ABCA7: variants seen among roughly 807,000 people sequenced by gnomAD.
The protein encoded by ABCA7 is phospholipid-transporting ATPase ABCA7.
ABCA7 carries 261 observed loss-of-function variants against 227.6 expected under a neutral mutation model. The observed-to-expected ratio is 1.15, with a 90% CI of 1.04 to 1.27. ABCA7 has a LOEUF of 1.27. Among genes scored for constraint, ABCA7 ranks in the 50% most tolerant of loss-of-function variants. ABCA7 has a pLI of 0.00. For synonymous variants in ABCA7, 1,488 were observed against 1,279.7 expected, an observed-to-expected ratio of 1.16 and a Z score of -3.47; for missense variants, 3,331 against 2,924.5, an observed-to-expected ratio of 1.14 and a Z score of -3.21.
rs771645047 is a variant in ABCA7, at chr19:1,042,049, T to C, written c.303-15T>C. ...CCGGCCGGAACCCCGCCTCCTGCCC[T>C]CTCTCTGTCCCCAGGGTCTCCCGGC... On this transcript the variant is annotated splice_polypyrimidine_tract_variant and intron_variant, in intron 4 of 46. Transcript: ENST00000263094. 6.3e-7 allele frequency: 1 copy of C among 1,582,562 alleles called. No homozygotes were observed. Among genetic ancestry groups the C allele is most frequent in the South Asian group, 1.1e-5 (1 of 89,820 alleles).
chr19:1,061,730 C>G (rs1051822268), intron 40 of ABCA7, 52 bp from the exon 41 acceptor site: 9 of 1,522,028 alleles, frequency 5.9e-6, no homozygotes, highest in Admixed American at 4.1e-5. Flanking sequence ...TCAGAGATGC[C>G]GGAACCAGGG....
Position 1,055,196 on chromosome 19 carries a change from C to G in ABCA7, c.4050C>G (p.Pro1350=). ...CCCCAGCCTGCCAGTGTAGCCGGCC[C>G]GGTGCCCGGCGCCTGCTGCCCGACT... ...SPSPACQCSR[P]GARRLLPDCP... The change falls in exon 30 of 47, where the codon CCC becomes CCG. Residue 1350 remains proline (P), a synonymous_variant. Transcript: ENST00000263094. 6.2e-7 allele frequency: 1 copy of G among 1,611,038 alleles called. No homozygotes were observed. Among genetic ancestry groups the G allele is most frequent in the Middle Eastern group, 1.7e-4 (1 of 6,056 alleles).
In ABCA7 at chr19:1,053,407, T is replaced by A. The variant is rs1249205583; in HGVS notation, c.3299T>A (p.Val1100Glu). The stretch of plus-strand genomic sequence containing the variant: ...GTGGAGGAGCTGCCACACGAGCTGG[T>A]GCTGGTGCTGCCCTACACGGGTGCC... ...RLVEELPHEL[V>E]LVLPYTGAHD... Residue 1100 changes from valine (V) to glutamate (E), a missense_variant, in exon 24 of 47, where the codon GTG becomes GAG. By Grantham distance (121) the Val-to-Glu change is moderately radical. Transcript: ENST00000263094. 17 of 1,607,962 alleles carry A rather than the reference T, an allele frequency of 1.1e-5. No homozygotes were observed. The highest frequency in any genetic ancestry group is 1.3e-5 in the African/African-American group (1 of 74,824).
intron 6 of ABCA7, 88 bp downstream of exon 6, chr19:1,042,485 C>G (rs1396216482): frequency 1.7e-5 from 25 of 1,506,740 alleles, no homozygotes; most frequent in African/African-American, 2.8e-5. Flanking sequence ...CCAAGGACCT[C>G]CCGTTCCAGG....
Position 1,058,827 on chromosome 19 carries a change from G to T in ABCA7, c.5287G>T (p.Val1763Leu), listed in dbSNP as rs2042457763. ...CAGATATTCTGTCCCCAGGCCCAGG[G>T]TGAGGTCTCTGCCACTCCTGGGAGA... ...HRSQLLPQPRVRSLPLLGEED... is the reference protein window; with the variant it reads ...HRSQLLPQPRLRSLPLLGEED... The change falls in exon 39 of 47, where the codon GTG becomes TTG. Residue 1763 changes from valine to leucine, a missense_variant. Physicochemically the swap from Val to Leu is conservative, Grantham distance 32 (BLOSUM62 1). Coordinates refer to ENST00000263094, the MANE Select transcript of ABCA7 (RefSeq NM_019112.4). 21 of 1,579,884 alleles carry T rather than the reference G, an allele frequency of 1.3e-5. No individual in the cohort carries two copies. Among genetic ancestry groups the T allele is most frequent in the Non-Finnish European group, 1.8e-5 (21 of 1,160,000 alleles).
At chr19:1,046,173 G>A (rs1182649880) in intron 12 of ABCA7, 57 bp from the exon 13 acceptor site, 14 of 1,578,636 alleles carry the variant, frequency 8.9e-6, no homozygotes, top group Admixed American at 1.7e-5. Flanking sequence ...TATTCAGGGT[G>A]GGGCCCCGGG....
chr19:1,057,977 A>G lies in ABCA7; in HGVS notation c.4943A>G (p.Tyr1648Cys). Reference protein sequence around the residue: ...SFFFSVPSTAYVVLTCINLFI... With the variant: ...SFFFSVPSTACVVLTCINLFI... ...TTCTTCTCCGTGCCCAGCACAGCCT[A>G]TGTGGTGCTCACCTGCATAAACCTC... The change falls in exon 36 of 47, where the codon TAT becomes TGT. Residue 1648 changes from tyrosine to cysteine, a missense_variant. Tyr to Cys is a radical substitution (Grantham distance 194). Coordinates refer to ENST00000263094, the MANE Select transcript of ABCA7 (RefSeq NM_019112.4). 1 of 1,613,978 alleles carries G rather than the reference A, an allele frequency of 6.2e-7. No individual in the cohort carries two copies. Among genetic ancestry groups the G allele is most frequent in the Non-Finnish European group, 8.5e-7 (1 of 1,179,998 alleles).
intron 21 of ABCA7, 103 bp downstream of exon 21, chr19:1,051,689 C>T: frequency 2.5e-6 from 3 of 1,205,806 alleles, no homozygotes; most frequent in Non-Finnish European, 3.5e-6. Context: ...TACATGTGGA[C>T]CCCACTTGTT....
At chr19:1,061,390 CAA>C (rs978850571) in intron 40 of ABCA7, among the ~76,000 whole-genome samples, 2 of 36,904 alleles carry the variant, frequency 5.4e-5, no homozygotes, top group Admixed American at 2.6e-4. Flanking sequence ...GGCTCCGTCT[CAA>C]AAAAAAAAAA....
Position 1,045,240 on chromosome 19 carries a change from A to AGGGAGG in ABCA7, c.1445+13_1445+18dup. ...AATAAGATCAGGGACAGGTCAGGCG[A>AGGGAGG]GGGAGGGGGCGGGGGGATGAGGGAC... On this transcript the variant is annotated intron_variant, in intron 12 of 46. Coordinates refer to ENST00000263094, the MANE Select transcript of ABCA7 (RefSeq NM_019112.4). The AGGGAGG allele has an allele frequency of 1.4e-6, 1 of 698,030 alleles. No homozygotes were observed. The highest frequency in any genetic ancestry group is 2.3e-5 in the Admixed American group (1 of 43,988). 43.2% of individuals were successfully genotyped at this position (698,030 alleles called of 1,614,324 possible).
Position 1,043,458 on chromosome 19 carries a change from G to C in ABCA7, c.915G>C (p.Arg305=). 1 of 1,613,270 alleles carries C rather than the reference G, an allele frequency of 6.2e-7. No homozygotes were observed. The highest frequency in any genetic ancestry group is 2.2e-5 in the East Asian group (1 of 44,888). ...LLFAPDTPFT[R]KLMAQVNRTF... is the part of the protein sequence containing the mutation. ...TTGCACCAGATACACCTTTTACCCG[G>C]AAGCTCATGGCCCAGGTGGGGGCAG... The change falls in exon 9 of 47, where the codon CGG becomes CGC. Residue 305 remains arginine (R), a synonymous_variant. Coordinates refer to ENST00000263094, the MANE Select transcript of ABCA7 (RefSeq NM_019112.4).
Position 1,064,256 on chromosome 19 carries a change from G to C in ABCA7, c.6044+3G>C. The C allele has an allele frequency of 6.4e-7, 1 of 1,554,550 alleles. No homozygotes were observed. The highest frequency in any genetic ancestry group is 8.7e-7 in the Non-Finnish European group (1 of 1,150,760). On this transcript the variant is annotated splice_donor_region_variant and intron_variant, in intron 45 of 46. Transcript: ENST00000263094. Reference sequence around the variant, plus strand: ...AGCCCGCAACATCTCAAGGGCAGGTGAGCCGGCGCGGCCTCCAGGCAGGTG... The same window carrying C: ...AGCCCGCAACATCTCAAGGGCAGGTCAGCCGGCGCGGCCTCCAGGCAGGTG...
At chr19:1,042,612 G>C (rs764543340) in intron 6 of ABCA7, 134 bp from the exon 7 acceptor site, 1 of 1,062,848 alleles carries the variant, frequency 9.4e-7, no homozygotes, top group African/African-American at 1.6e-5. Context: ...GAGTCCCTTT[G>C]CCTCTCAGAG....
rs746269064 is a variant in ABCA7, at chr19:1,064,240, C to CAT, written c.6032_6033dup (p.Leu2012IlefsTer12). On this transcript the variant is annotated frameshift_variant, in exon 45 of 47. Coordinates refer to ENST00000263094, the MANE Select transcript of ABCA7 (RefSeq NM_019112.4). LOFTEE classifies it high-confidence loss of function. ...GTTCCGCTGCCTGGGCAGCCCGCAA[C>CAT]ATCTCAAGGGCAGGTGAGCCGGCGC... The CAT allele has an allele frequency of 6.4e-7, 1 of 1,564,704 alleles. No homozygotes were observed. The highest frequency in any genetic ancestry group is 8.6e-7 in the Non-Finnish European group (1 of 1,156,362).
intron 45 of ABCA7, chr19:1,064,668 G>T (rs952721412): frequency 3.6e-6 from 2 of 560,846 alleles, no homozygotes; most frequent in Admixed American, 3.6e-5. Context: ...GTCAAGTGGG[G>T]TGATAGCTTC....
Position 1,050,977 on chromosome 19 carries a change from A to G in ABCA7, c.2609A>G (p.His870Arg). The part of the protein sequence containing the change: ...PSGGSAFILG[H>R]DVRSSMAAIR... Reference sequence around the variant, plus strand: ...GGTGGCTCTGCCTTCATCCTGGGCCACGACGTCCGCTCCAGCATGGCCGCC... The same window carrying G: ...GGTGGCTCTGCCTTCATCCTGGGCCGCGACGTCCGCTCCAGCATGGCCGCC... Residue 870 changes from histidine (H) to arginine (R), a missense_variant, in exon 19 of 47, where the codon CAC (histidine) becomes CGC (arginine). His to Arg is a conservative substitution (Grantham distance 29). Transcript: ENST00000263094. 3.1e-6 allele frequency: 5 copies of G among 1,612,200 alleles called. No homozygotes were observed. In the Middle Eastern group the frequency reaches 6.6e-4, roughly 213 times the overall value.
Position 1,050,936 on chromosome 19 carries a change from C to G in ABCA7, c.2568C>G (p.Gly856=). The change falls in exon 19 of 47, where the codon GGC becomes GGG. Residue 856 remains glycine (G), a synonymous_variant. Coordinates refer to ENST00000263094, the MANE Select transcript of ABCA7 (RefSeq NM_019112.4). The part of the protein sequence containing the change: ...GKTTTLSILS[G]LFPPSGGSAF... ...CTATCCACAGGTCCATCTTGAGTGG[C>G]CTCTTCCCACCCAGTGGTGGCTCTG... The G allele has an allele frequency of 6.2e-7, 1 of 1,608,330 alleles. No homozygotes were observed. Among genetic ancestry groups the G allele is most frequent in the Non-Finnish European group, 8.5e-7 (1 of 1,177,242 alleles).
chr19:1,054,471 C>T lies in ABCA7; in HGVS notation c.3727-99C>T, dbSNP rs1568364199. The stretch of plus-strand genomic sequence containing the variant: ...CAACCCAAAGCACATTTATTGAGGG[C>T]ACTGGGGAGCCATGGGTGGTTGTAG... On this transcript the variant is annotated intron_variant, in intron 27 of 46. Coordinates refer to ENST00000263094, the MANE Select transcript of ABCA7 (RefSeq NM_019112.4). This position sits in a 1 kb window ranked among gnomAD's most constrained non-coding sequence, Gnocchi z 4.8. 2.6e-6 allele frequency: 4 copies of T among 1,564,398 alleles called. No individual in the cohort carries two copies. The highest frequency in any genetic ancestry group is 1.7e-6 in the Non-Finnish European group (2 of 1,155,270).
intron 15 of ABCA7, 36 bp from the exon 16 acceptor site, chr19:1,047,417 G>T (rs1318104173): frequency 7.8e-6 from 12 of 1,538,032 alleles, no homozygotes; most frequent in Admixed American, 1.9e-5. Context: ...GACGCCCCCC[G>T]CTTCGGCCGC....
Sources: allele counts gnomAD v4.1 joint callset (sites outside exome capture counted in the v4.1 genomes callset), GRCh38; gene constraint gnomAD v4.1.1; non-coding constraint Gnocchi (gnomAD v3.1); transcripts MANE v1.5; gene names NCBI Gene and HGNC (gene_info 2026-07-23, HGNC 2026-07-21).